HSPG2: variants seen among roughly 807,000 people sequenced by gnomAD.
HSPG2 encodes the protein heparan sulfate proteoglycan 2.
A neutral mutation model predicts 526.6 loss-of-function variants in HSPG2; 278 were observed. The ratio of observed to expected loss-of-function variants is 0.53; its 90% CI spans 0.48 to 0.58. The LOEUF is 0.58. Among genes scored for constraint, HSPG2 ranks in the 20% least tolerant of loss-of-function variants. The pLI is 0.00. For missense variants in HSPG2, 5,354 were observed against 6,099.5 expected, an observed-to-expected ratio of 0.88 and a Z score of 4.07; for synonymous variants, 2,465 against 2,555.4, an observed-to-expected ratio of 0.96 and a Z score of 1.07.
rs148673710 is a variant in HSPG2 at position 21,881,400 on chromosome 1, G to C, written c.1757C>G (p.Ser586Cys). Residue 586 changes from serine (S) to cysteine (C), a missense_variant, in exon 14 of 97, where the codon TCC becomes TGC. By Grantham distance (112) the Ser-to-Cys change is moderately radical. Transcript: ENST00000374695. ...GGAGTCGTGGACGAGGAAGCGGCGG[G>C]ACAGGTCGACTAGCTGGAACTCGTG... ...SLHEFQLVDLSRRFLVHDSFW... is the reference protein window; with the variant it reads ...SLHEFQLVDLCRRFLVHDSFW... The C allele has an allele frequency of 1.2e-5, 20 of 1,614,072 alleles. No homozygotes were observed. Among genetic ancestry groups the C allele is most frequent in the Non-Finnish European group, 1.7e-5 (20 of 1,180,052 alleles).
chr1:21,895,458 G>C lies in HSPG2; in HGVS notation c.244+464C>G, dbSNP rs929366267. Reference sequence around the variant, plus strand: ...GGCAAGGTTCTCTCCCAAGCCTAGCGTCAGGCTCGATCTGTGCTCTGCATG... The same window carrying C: ...GGCAAGGTTCTCTCCCAAGCCTAGCCTCAGGCTCGATCTGTGCTCTGCATG... On this transcript the variant is annotated intron_variant, in intron 3 of 96. Coordinates refer to ENST00000374695, the MANE Select transcript of HSPG2 (RefSeq NM_005529.7). The surrounding 1 kb of genome is among the most constrained non-coding windows in gnomAD (Gnocchi z 4.1). Among the ~76,000 whole-genome samples the C allele has an allele frequency of 6.6e-6, 1 of 152,154 alleles. No individual in the cohort carries two copies. Among genetic ancestry groups the C allele is most frequent in the South Asian group, 2.1e-4 (1 of 4,830 alleles).
At chr1:21,842,174 G>T (rs757446117) in intron 68 of HSPG2, 32 bp from the exon 69 acceptor site, 2 of 1,613,110 alleles carry the variant, frequency 1.2e-6, no homozygotes, top group Non-Finnish European at 1.7e-6. Flanking sequence ...GCTGGGCTCA[G>T]CAGGGGTGGG....
chr1:21,828,170 G>T lies in HSPG2; in HGVS notation c.12410-18C>A, dbSNP rs2097985000. On this transcript the variant is annotated intron_variant, in intron 89 of 96. Coordinates refer to ENST00000374695, the MANE Select transcript of HSPG2 (RefSeq NM_005529.7). This position sits in a 1 kb window ranked among gnomAD's most constrained non-coding sequence, Gnocchi z 6.0. ...CAGGTCTCCTGTGGGCCAGGGCAGAGGCGAGTGGGTGGGTGGGCATGGGCT... is the reference window on the plus strand; with the variant it reads ...CAGGTCTCCTGTGGGCCAGGGCAGATGCGAGTGGGTGGGTGGGCATGGGCT... 2 of 1,612,908 alleles carry T rather than the reference G, an allele frequency of 1.2e-6. No homozygotes were observed. The highest frequency in any genetic ancestry group is 1.7e-6 in the Non-Finnish European group (2 of 1,179,884).
rs1478736222 is a variant in HSPG2, at chr1:21,865,337, T to A, written c.4343A>T (p.Gln1448Leu). The change falls in exon 35 of 97, where the codon CAG (glutamine) becomes CTG (leucine). Residue 1448 changes from glutamine to leucine, a missense_variant. Coordinates refer to ENST00000374695, the MANE Select transcript of HSPG2 (RefSeq NM_005529.7). This position sits in a 1 kb window ranked among gnomAD's most constrained non-coding sequence, Gnocchi z 5.4. The part of the protein sequence containing the change: ...TGNNIMLVAS[Q>L]PALQGPERRS... ...CCTCTCAGGGCCCTGCAGCGCTGGCTGGGAGGCCACTAGCATGATGTTGTT... is the reference window on the plus strand; with the variant it reads ...CCTCTCAGGGCCCTGCAGCGCTGGCAGGGAGGCCACTAGCATGATGTTGTT... The A allele has an allele frequency of 1.9e-6, 3 of 1,613,922 alleles. No individual in the cohort carries two copies. Among genetic ancestry groups the A allele is most frequent in the Non-Finnish European group, 2.5e-6 (3 of 1,179,988 alleles).
intron 1 of HSPG2, among the ~76,000 whole-genome samples, chr1:21,903,323 G>A (rs924594172): frequency 2.0e-5 from 3 of 152,194 alleles, no homozygotes; most frequent in Admixed American, 1.3e-4. Flanking sequence ...GCAAAAGGCC[G>A]GGCATGGTGG....
rs2097964789 is a variant in HSPG2, at chr1:21,824,804, C to T, written c.12590-25G>A. On this transcript the variant is annotated intron_variant, in intron 91 of 96. Transcript: ENST00000374695. This position sits in a 1 kb window ranked among gnomAD's most constrained non-coding sequence, Gnocchi z 5.9. ...TCTGTGGGAGAGAGGAGGGTGGTGC[C>T]ATACCTGCTGCATCAGGCATCAAAA... The T allele has an allele frequency of 6.3e-7, 1 of 1,595,806 alleles. No homozygotes were observed. The highest frequency in any genetic ancestry group is 1.1e-5 in the South Asian group (1 of 89,150).
Position 21,852,783 on chromosome 1 carries a change from C to T in HSPG2, c.6641G>A (p.Gly2214Asp), listed in dbSNP as rs1557719036. The change falls in exon 52 of 97, where the codon GGC becomes GAC. Residue 2214 changes from glycine (G) to aspartate (D), a missense_variant. Coordinates refer to ENST00000374695, the MANE Select transcript of HSPG2 (RefSeq NM_005529.7). ...GCCCACCACATGGCACACATACTCGCCTGAGTCGGCCGGGGTCACCTGGTG... is the reference window on the plus strand; with the variant it reads ...GCCCACCACATGGCACACATACTCGTCTGAGTCGGCCGGGGTCACCTGGTG... ...RLHQVTPADS[G>D]EYVCHVVGTS... 3.1e-6 allele frequency: 5 copies of T among 1,613,044 alleles called. No homozygotes were observed. The highest frequency in any genetic ancestry group is 3.4e-6 in the Non-Finnish European group (4 of 1,179,914).
At chr1:21,851,379 C>A in intron 55 of HSPG2, 167 bp downstream of exon 55, 1 of 894,924 alleles carries the variant, frequency 1.1e-6, no homozygotes, top group South Asian at 1.7e-5. Context: ...AATTCACACC[C>A]AGGTTAGTCA....
chr1:21,914,027 G>A (rs1419165687), intron 1 of HSPG2, among the ~76,000 whole-genome samples: 1 of 152,214 alleles, frequency 6.6e-6, no homozygotes, highest in Non-Finnish European at 1.5e-5. Flanking sequence ...CCAGGATCTG[G>A]TGTGTAGAGA....
Position 21,833,032 on chromosome 1 carries a change from G to A in HSPG2, c.11095+236C>T, listed in dbSNP as rs571079783. On this transcript the variant is annotated intron_variant, in intron 80 of 96. Transcript: ENST00000374695. ...GAGGACTGGGGGTGATGCCCCGGTG[G>A]CAGAGGAGCCACGAGGAGGCTGGAG... is the stretch of plus-strand genomic sequence containing the variant. 320 of 596,582 alleles carry A rather than the reference G, an allele frequency of 5.4e-4. 4 individuals are homozygous for A. The South Asian group carries it at 5.7e-3, about 11-fold the overall frequency. 37.0% of individuals were successfully genotyped at this position (596,582 alleles called of 1,614,324 possible).
intron 1 of HSPG2, among the ~76,000 whole-genome samples, chr1:21,918,486 G>A (rs1643943124): frequency 1.3e-5 from 2 of 151,740 alleles, no homozygotes; most frequent in Admixed American, 6.6e-5. Flanking sequence ...AAAAAAGGAG[G>A]GGTGGGACAA....
chr1:21,842,970 G>A (rs1303794585), intron 66 of HSPG2, 49 bp from the exon 67 acceptor site: 8 of 1,608,540 alleles, frequency 5.0e-6, no homozygotes, highest in Non-Finnish European at 6.8e-6. Flanking sequence ...GGGGATCAAG[G>A]CAGGGGCTGA....
At chr1:21,923,695 T>C (rs565895076) in intron 1 of HSPG2, among the ~76,000 whole-genome samples, 17 of 152,298 alleles carry the variant, frequency 1.1e-4, no homozygotes, top group Non-Finnish European at 4.4e-5. Flanking sequence ...TCCTCGAGTG[T>C]CTTCCTTGAA....
Position 21,831,455 on chromosome 1 carries a change from G to A in HSPG2, c.11452+8C>T. 1 of 1,613,286 alleles carries A rather than the reference G, an allele frequency of 6.2e-7. No individual in the cohort carries two copies. The highest frequency in any genetic ancestry group is 8.5e-7 in the Non-Finnish European group (1 of 1,179,318). On this transcript the variant is annotated splice_region_variant and intron_variant, in intron 83 of 96. Coordinates refer to ENST00000374695, the MANE Select transcript of HSPG2 (RefSeq NM_005529.7). Reference sequence around the variant, plus strand: ...CCAGCCTCAGCTGGAGGTGGGGAGGGGGCTCACCTATGAAGCCGCTGCTCA... The same window carrying A: ...CCAGCCTCAGCTGGAGGTGGGGAGGAGGCTCACCTATGAAGCCGCTGCTCA...
At chr1:21,881,601 G>A (rs2152755776) in intron 13 of HSPG2, 99 bp from the exon 14 acceptor site, 1 of 1,157,212 alleles carries the variant, frequency 8.6e-7, no homozygotes, top group Non-Finnish European at 1.2e-6. Flanking sequence ...AAGTTCTAGT[G>A]GAAATTTGAT....
chr1:21,876,990 T>TGGA (rs1247953810), intron 21 of HSPG2, among the ~76,000 whole-genome samples: 2 of 132,226 alleles, frequency 1.5e-5, no homozygotes, highest in Non-Finnish European at 3.1e-5. Flanking sequence ...AACCGGGAGG[T>TGGA]GGAGGTTGCA....
Position 21,874,403 on chromosome 1 carries a change from C to T in HSPG2, c.3656+3G>A, listed in dbSNP as rs1179953804. 2 of 1,611,130 alleles carry T rather than the reference C, an allele frequency of 1.2e-6. No individual in the cohort carries two copies. The highest frequency in any genetic ancestry group is 1.3e-5 in the African/African-American group (1 of 74,854). ...GGCAGGTGCAGGCAGGGACTGGACG[C>T]ACTGGCCGGCAGCAGGGTCTCCGTA... On this transcript the variant is annotated splice_donor_region_variant and intron_variant, in intron 28 of 96. Coordinates refer to ENST00000374695, the MANE Select transcript of HSPG2 (RefSeq NM_005529.7).
intron 1 of HSPG2, among the ~76,000 whole-genome samples, chr1:21,910,240 G>A (rs1643590705): frequency 6.6e-6 from 1 of 152,214 alleles, no homozygotes; most frequent in African/African-American, 2.4e-5. Flanking sequence ...CCTCCTCCCT[G>A]GGGAACAAAA....
At chr1:21,846,281 C>T (rs1213946150) in intron 63 of HSPG2, 26 bp from the exon 64 acceptor site, 3 of 1,612,830 alleles carry the variant, frequency 1.9e-6, no homozygotes, top group Non-Finnish European at 2.5e-6. Flanking sequence ...GACAGAGGAA[C>T]AGAGTCAGGT....
Sources: gnomAD v4.1 joint callset for allele counts (sites outside exome capture counted in the v4.1 genomes callset) on GRCh38, gnomAD v4.1.1 for gene constraint, Gnocchi (gnomAD v3.1) non-coding constraint, MANE v1.5 for transcripts, NCBI Gene and HGNC (gene_info 2026-07-23, HGNC 2026-07-21) for gene names.